Variants in TANGO6 observed in about 807,000 individuals in gnomAD.
TANGO6 encodes transport and golgi organization 6 homolog.
In TANGO6, 90 loss-of-function variants were observed where a neutral mutation model predicts 114.2. The ratio of observed to expected loss-of-function variants is 0.79; its 90% CI spans 0.66 to 0.94. The LOEUF (loss-of-function observed/expected upper bound fraction) is 0.94. Among genes scored for constraint, TANGO6 ranks in the 40% least tolerant of loss-of-function variants. The pLI, the probability that TANGO6 is intolerant of heterozygous loss-of-function variation, is 0.00. For synonymous variants in TANGO6, 477 were observed against 509.8 expected (o/e 0.94, Z 0.87); for missense variants, 1,274 against 1,315.3 (o/e 0.97, Z 0.49).
intron 17 of TANGO6, among the ~76,000 whole-genome samples, chr16:69,043,950 A>G (rs1207280183): frequency 9.9e-5 from 15 of 152,226 alleles, no homozygotes; most frequent in Admixed American, 9.8e-4. Context: ...GCATGGGATC[A>G]GAGAGGGGAA....
At chr16:68,866,776 A>G (rs990062390) in intron 3 of TANGO6, among the ~76,000 whole-genome samples, 1 of 152,044 alleles carries the variant, frequency 6.6e-6, no homozygotes, top group Non-Finnish European at 1.5e-5. Flanking sequence ...ATCTCTACTA[A>G]AAATACAAAA....
intron 3 of TANGO6, 98 bp from the exon 4 acceptor site, chr16:68,866,975 CTTTTTT>C (rs536677611): frequency 1.1e-3 from 252 of 227,182 alleles, no homozygotes; most frequent in East Asian, 1.9e-3. Context: ...GCTATTTCTC[CTTTTTT>C]TTTTTTTTTT....
At chr16:68,847,220 A>G (rs936318018) in intron 1 of TANGO6, among the ~76,000 whole-genome samples, 4 of 152,208 alleles carry the variant, frequency 2.6e-5, no homozygotes, top group African/African-American at 9.6e-5. Context: ...ATTTGTTGCA[A>G]TATGAAATCA....
chr16:69,027,254 G>GC (rs1175377469), intron 16 of TANGO6, among the ~76,000 whole-genome samples: 3 of 152,102 alleles, frequency 2.0e-5, no homozygotes, highest in African/African-American at 7.2e-5. Context: ...TTGAATTTAT[G>GC]GTATTTCCTG....
intron 15 of TANGO6, among the ~76,000 whole-genome samples, chr16:68,999,683 CTT>C (rs1345585211): frequency 6.6e-6 from 1 of 152,156 alleles, no homozygotes; most frequent in Non-Finnish European, 1.5e-5. Flanking sequence ...GAGGAGTATA[CTT>C]TACTCAATTG....
At chr16:68,905,950 G>A (rs913918974) in intron 9 of TANGO6, among the ~76,000 whole-genome samples, 1 of 152,148 alleles carries the variant, frequency 6.6e-6, no homozygotes, top group African/African-American at 2.4e-5. Flanking sequence ...GGAGGCCGAG[G>A]TGGGCAGATC....
At chr16:68,868,748 C>T (rs1043252464) in intron 4 of TANGO6, among the ~76,000 whole-genome samples, 1 of 151,994 alleles carries the variant, frequency 6.6e-6, no homozygotes, top group Admixed American at 6.6e-5. Flanking sequence ...CCACCCACCT[C>T]GGCCTCCCAA....
At chr16:69,011,024 G>C (rs1354671418) in intron 15 of TANGO6, among the ~76,000 whole-genome samples, 1 of 152,188 alleles carries the variant, frequency 6.6e-6, no homozygotes, top group Non-Finnish European at 1.5e-5. Context: ...ATGTGTGTTT[G>C]AGAAACATTG....
intron 7 of TANGO6, among the ~76,000 whole-genome samples, chr16:68,882,465 C>T (rs1032269455): frequency 1.3e-5 from 2 of 151,836 alleles, no homozygotes; most frequent in Non-Finnish European, 2.9e-5. Flanking sequence ...CCACTGCACT[C>T]CAGCCTGGGT....
At chr16:68,857,891 T>G (rs920052071) in intron 1 of TANGO6, among the ~76,000 whole-genome samples, 3 of 152,200 alleles carry the variant, frequency 2.0e-5, no homozygotes, top group African/African-American at 7.2e-5. Flanking sequence ...ATTTTCTTTT[T>G]TGTGATTTTA....
At chr16:68,905,617 G>A (rs1962839939) in intron 9 of TANGO6, among the ~76,000 whole-genome samples, 3 of 151,942 alleles carry the variant, frequency 2.0e-5, no homozygotes, top group African/African-American at 7.2e-5. Context: ...TCTCTTGTCA[G>A]AATAATTAAA....
intron 6 of TANGO6, among the ~76,000 whole-genome samples, chr16:68,878,943 G>A (rs964370793): frequency 6.6e-6 from 1 of 151,978 alleles, no homozygotes; most frequent in Non-Finnish European, 1.5e-5. Context: ...AGGCATGGTG[G>A]CAAGCACCTG....
At chr16:68,887,803 C>T (rs887622542) in intron 7 of TANGO6, among the ~76,000 whole-genome samples, 65 of 151,970 alleles carry the variant, frequency 4.3e-4, no homozygotes, top group Non-Finnish European at 8.7e-4. Context: ...CGCTTGAACC[C>T]GGGAGGCAGA....
At chr16:68,984,049 A>G (rs111855696) in intron 15 of TANGO6, among the ~76,000 whole-genome samples, 31 of 152,028 alleles carry the variant, frequency 2.0e-4, no homozygotes, top group African/African-American at 5.6e-4. Flanking sequence ...AAAAAAAAAA[A>G]AAAAAGAAAA....
At position 68,859,984 on chromosome 16, in the gene TANGO6, T is replaced by C. The variant is rs1962064512; in HGVS notation, c.195T>C (p.Pro65=). 1 of 1,613,826 alleles carries C rather than the reference T, an allele frequency of 6.2e-7. No homozygotes were observed. The highest frequency in any genetic ancestry group is 1.1e-5 in the South Asian group (1 of 91,070). Residue 65 remains proline, a synonymous_variant, in exon 2 of 18, where the codon CCT becomes CCC. Coordinates refer to ENST00000261778, the MANE Select transcript of TANGO6 (RefSeq NM_024562.2). ...TGGAGGACAAGTTTCTGAAGGATCC[T>C]CAGTGGAAGAATCTGAAACTCCTAA... is the stretch of plus-strand genomic sequence containing the variant. ...SALEDKFLKD[P]QWKNLKLLRD... is the part of the protein sequence containing the mutation.
chr16:68,928,137 A>C (rs558374300), intron 13 of TANGO6, 54 bp downstream of exon 13: 2 of 1,480,156 alleles, frequency 1.4e-6, no homozygotes, highest in Middle Eastern at 1.9e-4. Context: ...CATTCATTCA[A>C]CTCAAGTATT....
chr16:68,990,858 G>A (rs966517536), intron 15 of TANGO6, among the ~76,000 whole-genome samples: 2 of 152,146 alleles, frequency 1.3e-5, no homozygotes, highest in African/African-American at 4.8e-5. Context: ...ACTTTAAGGA[G>A]GAAAGAAGTA....
At chr16:68,971,283 G>T (rs1963702116) in intron 14 of TANGO6, among the ~76,000 whole-genome samples, 1 of 151,820 alleles carries the variant, frequency 6.6e-6, no homozygotes, top group Non-Finnish European at 1.5e-5. Flanking sequence ...GGCTATTTCT[G>T]TTTTTCTTTT....
intron 11 of TANGO6, among the ~76,000 whole-genome samples, chr16:68,917,147 G>T (rs78978736): frequency 0.098 from 14,833 of 151,986 alleles, 799 homozygotes; most frequent in African/African-American, 0.13. Flanking sequence ...TGTAATATGG[G>T]TGAAATCATA....
Sources: gnomAD v4.1 joint callset for allele counts (sites outside exome capture counted in the v4.1 genomes callset) on GRCh38, gnomAD v4.1.1 for gene constraint, MANE v1.5 for transcripts, NCBI Gene and HGNC (gene_info 2026-07-23, HGNC 2026-07-21) for gene names.